Variants in LTBP1 observed in about 807,000 individuals in gnomAD.
LTBP1 encodes the protein latent-transforming growth factor beta-binding protein 1.
LTBP1 carries 129 observed loss-of-function variants against 207.6 expected under a neutral mutation model. That is an observed-to-expected ratio of 0.62 (90% CI 0.54 to 0.72). LTBP1 has a LOEUF of 0.72. Ranked by LOEUF, LTBP1 falls within the 30% of genes least tolerant of loss-of-function variation. The pLI, the probability that LTBP1 is intolerant of heterozygous loss-of-function variation, is 0.00. For missense variants in LTBP1, 2,281 were observed against 2,217.2 expected, an observed-to-expected ratio of 1.03 and a Z score of -0.58; for synonymous variants, 963 against 833.7, an observed-to-expected ratio of 1.16 and a Z score of -2.67.
At chr2:33,332,077 A>G (rs959367561) in intron 24 of LTBP1, among the ~76,000 whole-genome samples, 4 of 152,132 alleles carry the variant, frequency 2.6e-5, no homozygotes, top group Non-Finnish European at 5.9e-5. Context: ...TTTTAAAAAT[A>G]TTTATGAATA....
intron 18 of LTBP1, among the ~76,000 whole-genome samples, chr2:33,277,874 G>A (rs1361644042): frequency 2.8e-5 from 4 of 140,788 alleles, no homozygotes; most frequent in Non-Finnish European, 6.0e-5. Flanking sequence ...CTGTCGCCCA[G>A]GCTGGAGTGC....
At chr2:33,095,905 A>G (rs956344582) in intron 3 of LTBP1, among the ~76,000 whole-genome samples, 2 of 152,182 alleles carry the variant, frequency 1.3e-5, no homozygotes, top group African/African-American at 4.8e-5. Flanking sequence ...GTAATTTAAC[A>G]TATATGTAAT....
At chr2:32,970,999 TA>T (rs1680768071) in intron 2 of LTBP1, among the ~76,000 whole-genome samples, 2 of 112,800 alleles carry the variant, frequency 1.8e-5, no homozygotes, top group African/African-American at 6.2e-5. Context: ...TATTCCTAGG[TA>T]TTTGTGTGTG....
intron 7 of LTBP1, among the ~76,000 whole-genome samples, chr2:33,204,678 C>T (rs1177232787): frequency 6.6e-6 from 1 of 152,032 alleles, no homozygotes; most frequent in Non-Finnish European, 1.5e-5. Flanking sequence ...CTCTCGGGCT[C>T]AAGTGATCCT....
chr2:33,250,614 C>T (rs1258063627), intron 10 of LTBP1, among the ~76,000 whole-genome samples: 1 of 152,262 alleles, frequency 6.6e-6, no homozygotes, highest in African/African-American at 2.4e-5. Context: ...TTCCTGCAAT[C>T]CTAGCCACAG....
At chr2:33,065,037 A>G (rs2077440511) in intron 3 of LTBP1, among the ~76,000 whole-genome samples, 1 of 152,248 alleles carries the variant, frequency 6.6e-6, no homozygotes, top group Non-Finnish European at 1.5e-5. Context: ...TTAACAAAAT[A>G]ATCATTGTAG....
chr2:33,171,486 T>A (rs2085446529), intron 5 of LTBP1, among the ~76,000 whole-genome samples: 1 of 151,212 alleles, frequency 6.6e-6, no homozygotes, highest in South Asian at 2.1e-4. Flanking sequence ...GAACAAAGCC[T>A]CCAAGAAATA....
chr2:33,304,690 C>A, intron 22 of LTBP1, among the ~76,000 whole-genome samples: 1 of 152,148 alleles, frequency 6.6e-6, no homozygotes, highest in Non-Finnish European at 1.5e-5. Context: ...CTCGTGTCTA[C>A]CTTAACCTTT....
At chr2:33,129,325 A>G (rs1010745236) in intron 4 of LTBP1, among the ~76,000 whole-genome samples, 18 of 152,340 alleles carry the variant, frequency 1.2e-4, no homozygotes, top group Middle Eastern at 3.4e-3. Flanking sequence ...TCCGGACTGC[A>G]GTCCAGGGCA....
At chr2:32,974,660 T>G (rs1178781230) in intron 2 of LTBP1, among the ~76,000 whole-genome samples, 1 of 152,204 alleles carries the variant, frequency 6.6e-6, no homozygotes, top group Non-Finnish European at 1.5e-5. Flanking sequence ...TTGTTGTTGG[T>G]TTAAAGTCTG....
chr2:33,063,562 AT>A (rs1417838592), intron 3 of LTBP1, among the ~76,000 whole-genome samples: 1 of 152,160 alleles, frequency 6.6e-6, no homozygotes, highest in Non-Finnish European at 1.5e-5. Flanking sequence ...ATATTTTAAC[AT>A]TTTTTAATTT....
chr2:33,191,441 A>C (rs907451299), intron 7 of LTBP1, among the ~76,000 whole-genome samples: 27 of 152,236 alleles, frequency 1.8e-4, no homozygotes, highest in African/African-American at 6.3e-4. Flanking sequence ...CACAGCTTCA[A>C]AATAAGACCT....
intron 15 of LTBP1, among the ~76,000 whole-genome samples, chr2:33,269,784 A>T (rs1303678151): frequency 6.6e-6 from 1 of 152,084 alleles, no homozygotes; most frequent in African/African-American, 2.4e-5. Flanking sequence ...AAAAACAGAA[A>T]ATGCAGAACA....
At chr2:33,097,053 T>C (rs1377042264) in intron 3 of LTBP1, among the ~76,000 whole-genome samples, 1 of 152,188 alleles carries the variant, frequency 6.6e-6, no homozygotes, top group East Asian at 1.9e-4. Context: ...ACAATGGCTC[T>C]AGTAATTTTT....
chr2:33,174,777 C>A (rs1387193007), intron 5 of LTBP1, among the ~76,000 whole-genome samples: 2 of 152,058 alleles, frequency 1.3e-5, no homozygotes, highest in Admixed American at 1.3e-4. Context: ...CTACAGTAAC[C>A]AAAACAGCAT....
At chr2:33,259,653 A>T (rs1305285413) in intron 13 of LTBP1, 43 bp downstream of exon 13, 1 of 1,574,872 alleles carries the variant, frequency 6.3e-7, no homozygotes. Context: ...TTCAACGCTC[A>T]AAGTGATTTT....
intron 4 of LTBP1, among the ~76,000 whole-genome samples, chr2:33,130,354 A>G (rs1049245685): frequency 6.6e-6 from 1 of 152,096 alleles, no homozygotes; most frequent in Non-Finnish European, 1.5e-5. Flanking sequence ...GATGCACGCT[A>G]ATGTGCTGTT....
chr2:33,265,683 A>G (rs2093156386), intron 15 of LTBP1, among the ~76,000 whole-genome samples: 1 of 152,114 alleles, frequency 6.6e-6, no homozygotes, highest in African/African-American at 2.4e-5. Flanking sequence ...TACACTAGAT[A>G]TTAGCAGTGG....
At position 33,387,141 on chromosome 2, in the gene LTBP1, A is replaced by C. The variant is rs540535356; in HGVS notation, c.4712-2043A>C. On this transcript the variant is annotated intron_variant, in intron 31 of 33. Coordinates refer to ENST00000404816, the MANE Select transcript of LTBP1 (RefSeq NM_206943.4). ...TTCTTTAAAAATAAGTACCAGAATTAATTCATTTTTAACATCTCCTCTAGA... is the reference window on the plus strand; with the variant it reads ...TTCTTTAAAAATAAGTACCAGAATTCATTCATTTTTAACATCTCCTCTAGA... Among the ~76,000 whole-genome samples, 45 of 152,314 alleles carry C rather than the reference A, an allele frequency of 3.0e-4. 1 individual carries two copies. In the South Asian group the frequency reaches 8.7e-3, roughly 29 times the overall value.
Sources: gnomAD v4.1 joint callset for allele counts (sites outside exome capture counted in the v4.1 genomes callset) on GRCh38, gnomAD v4.1.1 for gene constraint, MANE v1.5 for transcripts, NCBI Gene and HGNC (gene_info 2026-07-23, HGNC 2026-07-21) for gene names.